SEMA6D: variants seen among roughly 807,000 people sequenced by gnomAD.
SEMA6D encodes the protein semaphorin-6D.
Under a neutral mutation model 106.6 loss-of-function variants are expected in SEMA6D, and 35 were observed. The ratio of observed to expected loss-of-function variants is 0.33; its 90% CI spans 0.25 to 0.44. The LOEUF (loss-of-function observed/expected upper bound fraction) is 0.44. SEMA6D is among the 20% of genes least tolerant of loss of function. The probability of loss-of-function intolerance (pLI) is 1.00; values close to 1 mark genes in which losing one functional copy is unlikely to be tolerated. For synonymous variants in SEMA6D, 499 were observed against 487.7 expected, an observed-to-expected ratio of 1.02 and a Z score of -0.31; for missense variants, 1,185 against 1,345.9, an observed-to-expected ratio of 0.88 and a Z score of 1.87.
At chr15:47,676,698 T>C (rs1006118712) in intron 4 of SEMA6D, among the ~76,000 whole-genome samples, 1 of 152,168 alleles carries the variant, frequency 6.6e-6, no homozygotes, top group African/African-American at 2.4e-5. Context: ...CAATGCAGGC[T>C]AGGGTACTGT....
At chr15:47,591,587 C>T (rs1044389617) in intron 3 of SEMA6D, among the ~76,000 whole-genome samples, 3 of 152,142 alleles carry the variant, frequency 2.0e-5, no homozygotes, top group African/African-American at 7.2e-5. Context: ...CTTCTATTGA[C>T]CTAAGCTCAA....
chr15:47,765,094 C>G (rs1434845749), intron 13 of SEMA6D, 38 bp downstream of exon 13: 12 of 1,596,044 alleles, frequency 7.5e-6, no homozygotes, highest in Non-Finnish European at 1.0e-5. Flanking sequence ...CAGCACTGCT[C>G]AAAAATTTTC....
intron 4 of SEMA6D, among the ~76,000 whole-genome samples, chr15:47,621,337 A>G (rs1236115625): frequency 1.3e-5 from 2 of 152,214 alleles, no homozygotes; most frequent in East Asian, 3.8e-4. Context: ...ATAGAAACGT[A>G]GGAGTTATAA....
At chr15:47,444,697 TG>T (rs1253741491) in intron 2 of SEMA6D, among the ~76,000 whole-genome samples, 35 of 152,180 alleles carry the variant, frequency 2.3e-4, no homozygotes, top group African/African-American at 7.9e-4. Context: ...CTTACAGGAA[TG>T]GGAACACACA....
intron 1 of SEMA6D, among the ~76,000 whole-genome samples, chr15:47,216,189 A>C (rs985494007): frequency 2.0e-5 from 3 of 152,180 alleles, no homozygotes; most frequent in African/African-American, 7.2e-5. Context: ...GCATAAAATT[A>C]TAAAAACATT....
chr15:47,716,231 C>A (rs1280236664), upstream of SEMA6D, among the ~76,000 whole-genome samples: 2 of 152,202 alleles, frequency 1.3e-5, no homozygotes, highest in Non-Finnish European at 2.9e-5. Context: ...CTTCTCTCCC[C>A]TTCTTTCCTT....
intron 2 of SEMA6D, among the ~76,000 whole-genome samples, chr15:47,425,798 T>C (rs2041316965): frequency 6.6e-6 from 1 of 151,740 alleles, no homozygotes; most frequent in Non-Finnish European, 1.5e-5. Context: ...TAAAGGTACC[T>C]TTTCCTCCAT....
At chr15:47,638,057 T>C (rs1376277451) in intron 4 of SEMA6D, among the ~76,000 whole-genome samples, 1 of 152,210 alleles carries the variant, frequency 6.6e-6, no homozygotes, top group African/African-American at 2.4e-5. Context: ...TAAAATTTGG[T>C]GCAGTAACTA....
chr15:47,689,101 C>T (rs764726918), intron 4 of SEMA6D, among the ~76,000 whole-genome samples: 4 of 152,178 alleles, frequency 2.6e-5, no homozygotes, highest in Non-Finnish European at 4.4e-5. Flanking sequence ...CAGTAATGCC[C>T]TTCCCATACC....
intron 4 of SEMA6D, among the ~76,000 whole-genome samples, chr15:47,620,721 T>TAC (rs916331764): frequency 6.6e-6 from 1 of 151,400 alleles, no homozygotes; most frequent in Non-Finnish European, 1.5e-5. Flanking sequence ...CACACATATA[T>TAC]ATATATATTC....
intron 4 of SEMA6D, among the ~76,000 whole-genome samples, chr15:47,648,202 A>T (rs1431358440): frequency 2.0e-5 from 3 of 152,176 alleles, no homozygotes; most frequent in Non-Finnish European, 4.4e-5. Flanking sequence ...AAAAACATCT[A>T]TGCCAGCCAG....
At chr15:47,654,573 G>A (rs1350233076) in intron 4 of SEMA6D, among the ~76,000 whole-genome samples, 3 of 152,154 alleles carry the variant, frequency 2.0e-5, no homozygotes, top group Non-Finnish European at 2.9e-5. Context: ...TCCCAATGTT[G>A]GCGATTGGGC....
chr15:47,579,114 C>T (rs1025707290), intron 3 of SEMA6D, among the ~76,000 whole-genome samples: 6 of 149,582 alleles, frequency 4.0e-5, no homozygotes, highest in East Asian at 4.0e-4. Flanking sequence ...ACTCTGTAGG[C>T]GTGAGTTGAG....
At chr15:47,634,187 G>A (rs1384872869) in intron 4 of SEMA6D, among the ~76,000 whole-genome samples, 2 of 152,010 alleles carry the variant, frequency 1.3e-5, no homozygotes, top group Non-Finnish European at 2.9e-5. Flanking sequence ...TTTCTGTTGG[G>A]CACCACCAAT....
chr15:47,195,865 G>GT (rs1566918968), intron 1 of SEMA6D, among the ~76,000 whole-genome samples: 1 of 152,158 alleles, frequency 6.6e-6, no homozygotes, highest in Non-Finnish European at 1.5e-5. Context: ...GGATGGGTGA[G>GT]TAAGAGGAAA....
At chr15:47,579,037 G>T (rs2076208512) in intron 3 of SEMA6D, among the ~76,000 whole-genome samples, 1 of 152,144 alleles carries the variant, frequency 6.6e-6, no homozygotes, top group Non-Finnish European at 1.5e-5. Flanking sequence ...TGAATGTAGG[G>T]CAGGTGTTCT....
At chr15:47,641,646 G>A (rs755236740) in intron 4 of SEMA6D, among the ~76,000 whole-genome samples, 4 of 152,108 alleles carry the variant, frequency 2.6e-5, no homozygotes, top group Admixed American at 6.5e-5. Flanking sequence ...CCTATTGTGT[G>A]TTGCAGGACA....
Position 47,764,166 on chromosome 15 carries a change from C to G in SEMA6D, c.966-8C>G. 2.5e-6 allele frequency: 4 copies of G among 1,613,170 alleles called. 1 individual carries two copies. Among genetic ancestry groups the G allele is most frequent in the South Asian group, 2.2e-5 (2 of 90,968 alleles). ...CAGCCTCTTCCTGATGATTTTCTTC[C>G]TTTTCAGCATCCCTGGTTCTGCTGT... On this transcript the variant is annotated splice_region_variant and splice_polypyrimidine_tract_variant and intron_variant, in intron 10 of 18. Coordinates refer to ENST00000536845, the MANE Select transcript of SEMA6D (RefSeq NM_001358351.3).
At chr15:47,583,405 G>C (rs993700041) in intron 3 of SEMA6D, among the ~76,000 whole-genome samples, 1 of 152,158 alleles carries the variant, frequency 6.6e-6, no homozygotes, top group East Asian at 1.9e-4. Flanking sequence ...GGCATCTTCT[G>C]CTCGTGAGAC....
Sources: allele counts gnomAD v4.1 joint callset (sites outside exome capture counted in the v4.1 genomes callset), GRCh38; gene constraint gnomAD v4.1.1; transcripts MANE v1.5; gene names NCBI Gene and HGNC (gene_info 2026-07-23, HGNC 2026-07-21).